CWC27: variants seen among roughly 807,000 people sequenced by gnomAD.
CWC27 encodes CWC27 spliceosome associated cyclophilin.
In CWC27, 47 loss-of-function variants were observed where a neutral mutation model predicts 63.6. The observed-to-expected ratio is 0.74, with a 90% CI of 0.58 to 0.94. CWC27 has a LOEUF of 0.94. Ranked by LOEUF, CWC27 falls within the 40% of genes least tolerant of loss-of-function variation. The probability of loss-of-function intolerance (pLI) is 0.00; values close to 1 mark genes in which losing one functional copy is unlikely to be tolerated. For missense variants in CWC27, 495 were observed against 554.3 expected (o/e 0.89, Z 1.07); for synonymous variants, 175 against 179.8 (o/e 0.97, Z 0.22).
intron 10 of CWC27, among the ~76,000 whole-genome samples, chr5:64,866,640 C>T (rs993609929): frequency 6.6e-6 from 1 of 151,936 alleles, no homozygotes; most frequent in South Asian, 2.1e-4. Context: ...TTGATTTCCC[C>T]GTGAGTTCTT....
chr5:64,799,805 G>A (rs183488521), intron 7 of CWC27, among the ~76,000 whole-genome samples: 20 of 151,794 alleles, frequency 1.3e-4, no homozygotes, highest in Non-Finnish European at 2.8e-4. Flanking sequence ...GTAGTTCCTC[G>A]GGGATGCACT....
chr5:64,965,256 C>A (rs1748991599), intron 11 of CWC27, among the ~76,000 whole-genome samples: 1 of 152,160 alleles, frequency 6.6e-6, no homozygotes, highest in Admixed American at 6.5e-5. Context: ...TTTTTGAGTT[C>A]TTAACTTCTA....
At chr5:64,841,863 A>G (rs1745851651) in intron 10 of CWC27, among the ~76,000 whole-genome samples, 1 of 151,906 alleles carries the variant, frequency 6.6e-6, no homozygotes, top group Non-Finnish European at 1.5e-5. Flanking sequence ...CTTTTTTAGT[A>G]GAGATGGGGT....
At chr5:65,014,384 A>C (rs1270862356) in intron 13 of CWC27, among the ~76,000 whole-genome samples, 3 of 149,116 alleles carry the variant, frequency 2.0e-5, no homozygotes, top group African/African-American at 7.3e-5. Context: ...TTATATATAC[A>C]CTATATATAA....
intron 9 of CWC27, among the ~76,000 whole-genome samples, chr5:64,802,932 A>T (rs571979725): frequency 1.3e-5 from 2 of 152,170 alleles, no homozygotes; most frequent in Non-Finnish European, 1.5e-5. Context: ...AGGAAAATGT[A>T]CTACATTCAC....
chr5:64,961,087 T>C (rs1442213347), intron 11 of CWC27, among the ~76,000 whole-genome samples: 2 of 152,172 alleles, frequency 1.3e-5, no homozygotes, highest in African/African-American at 4.8e-5. Context: ...ATGAAGAGAC[T>C]CAAGTGGATT....
intron 13 of CWC27, among the ~76,000 whole-genome samples, chr5:65,010,897 A>T (rs1229491037): frequency 6.6e-6 from 1 of 152,254 alleles, no homozygotes; most frequent in Non-Finnish European, 1.5e-5. Flanking sequence ...TTATGTATTA[A>T]TACTATCAAG....
At chr5:64,926,053 T>G (rs1748104035) in intron 11 of CWC27, among the ~76,000 whole-genome samples, 1 of 152,188 alleles carries the variant, frequency 6.6e-6, no homozygotes, top group Admixed American at 6.5e-5. Flanking sequence ...CAATCTTCAG[T>G]TCTAGCTCCC....
At chr5:64,774,299 C>T (rs1388122352) in intron 1 of CWC27, among the ~76,000 whole-genome samples, 1 of 152,124 alleles carries the variant, frequency 6.6e-6, no homozygotes, top group Non-Finnish European at 1.5e-5. Flanking sequence ...TGGAACACCA[C>T]CATGCCTGGC....
intron 2 of CWC27, among the ~76,000 whole-genome samples, chr5:64,778,925 A>AAT (rs1743554805): frequency 6.6e-6 from 1 of 152,222 alleles, no homozygotes; most frequent in African/African-American, 2.4e-5. Context: ...CTGTGTACTA[A>AAT]ATACAGTTGT....
In CWC27 at chr5:65,018,250, C is replaced by T. The variant is rs1245834289; in HGVS notation, c.1348C>T (p.Arg450Trp). The change falls in exon 14 of 14, where the codon CGG (arginine) becomes TGG (tryptophan). Residue 450 changes from arginine (R) to tryptophan (W), a missense_variant. Physicochemically the swap from Arg to Trp is moderately radical, Grantham distance 101 (BLOSUM62 -3). Transcript: ENST00000381070. ...DSDTFEIYDP[R>W]NPVNKRRREE... is the part of the protein sequence containing the mutation. Reference sequence around the variant, plus strand: ...AGATACATTTGAAATCTATGATCCTCGGAATCCAGTGAATAAAAGAAGGAG... The same window carrying T: ...AGATACATTTGAAATCTATGATCCTTGGAATCCAGTGAATAAAAGAAGGAG... 3 of 1,605,458 alleles carry T rather than the reference C, an allele frequency of 1.9e-6. No individual in the cohort carries two copies. The highest frequency in any genetic ancestry group is 2.5e-6 in the Non-Finnish European group (3 of 1,176,664).
intron 11 of CWC27, among the ~76,000 whole-genome samples, chr5:64,956,923 A>C (rs1748813413): frequency 6.6e-6 from 1 of 152,142 alleles, no homozygotes; most frequent in Non-Finnish European, 1.5e-5. Context: ...ACAGTATCTT[A>C]ACATTGTGTC....
At chr5:64,774,029 A>G (rs1743355114) in intron 1 of CWC27, 3 of 152,192 alleles carry the variant, frequency 2.0e-5, no homozygotes, top group Admixed American at 2.0e-4. Context: ...TAATTATAAA[A>G]TTGTCCTATA....
At chr5:64,916,302 A>G (rs902102511) in intron 11 of CWC27, among the ~76,000 whole-genome samples, 3 of 152,178 alleles carry the variant, frequency 2.0e-5, no homozygotes, top group African/African-American at 4.8e-5. Flanking sequence ...TCAAAAGCCA[A>G]TGGAGTATCA....
intron 7 of CWC27, among the ~76,000 whole-genome samples, chr5:64,798,937 C>T (rs1035573275): frequency 9.9e-5 from 15 of 152,232 alleles, no homozygotes; most frequent in African/African-American, 3.6e-4. Flanking sequence ...GCATCTTCCC[C>T]CCTCAAGATA....
rs375783866 is a variant in CWC27 at position 64,904,228 on chromosome 5, C to T, written c.1042+18682C>T. Among the ~76,000 whole-genome samples, 60 of 152,256 alleles carry T rather than the reference C, an allele frequency of 3.9e-4. No homozygotes were observed. The South Asian group carries it at 0.012, about 31-fold the overall frequency. On this transcript the variant is annotated intron_variant, in intron 11 of 13. Coordinates refer to ENST00000381070, the MANE Select transcript of CWC27 (RefSeq NM_005869.4). ...TTTTCTTTAGGTCAGCACCCCACAC[C>T]TGGATACCAAAATTCTGTATTAGTT...
intron 11 of CWC27, among the ~76,000 whole-genome samples, chr5:64,962,155 C>T (rs930635304): frequency 2.8e-4 from 42 of 152,172 alleles, no homozygotes; most frequent in African/African-American, 9.4e-4. Context: ...CAGGAGGATT[C>T]AAGCACATGA....
intron 13 of CWC27, among the ~76,000 whole-genome samples, chr5:65,010,729 T>G (rs984825346): frequency 6.6e-6 from 1 of 152,226 alleles, no homozygotes; most frequent in Non-Finnish European, 1.5e-5. Context: ...TTCAAGCAGT[T>G]TAACTGGTCC....
chr5:65,017,136 A>G (rs1428937245), intron 13 of CWC27, among the ~76,000 whole-genome samples: 3 of 152,088 alleles, frequency 2.0e-5, no homozygotes, highest in East Asian at 1.9e-4. Context: ...CCTGGCCAGC[A>G]TGGTGAAACC....
Sources: allele counts gnomAD v4.1 joint callset (sites outside exome capture counted in the v4.1 genomes callset), GRCh38; gene constraint gnomAD v4.1.1; transcripts MANE v1.5; gene names NCBI Gene and HGNC (gene_info 2026-07-23, HGNC 2026-07-21).